RAB11FIP4: variants seen among roughly 807,000 people sequenced by gnomAD.
RAB11FIP4 encodes rab11 family-interacting protein 4.
RAB11FIP4 carries 23 observed loss-of-function variants against 74.3 expected under a neutral mutation model. The observed-to-expected ratio is 0.31, with a 90% CI of 0.22 to 0.44. RAB11FIP4 has a LOEUF of 0.44. Among genes scored for constraint, RAB11FIP4 ranks in the 20% least tolerant of loss-of-function variants. RAB11FIP4 has a pLI of 1.00. For synonymous variants in RAB11FIP4, 360 were observed against 359.9 expected (o/e 1.00, Z 0.00); for missense variants, 630 against 863.9 (o/e 0.73, Z 3.39).
At chr17:31,478,379 C>T (rs1396847551) in intron 3 of RAB11FIP4, among the ~76,000 whole-genome samples, 1 of 152,168 alleles carries the variant, frequency 6.6e-6, no homozygotes, top group Non-Finnish European at 1.5e-5. Flanking sequence ...GTGTGCTCTT[C>T]TCAGAACACT....
intron 1 of RAB11FIP4, among the ~76,000 whole-genome samples, chr17:31,395,334 C>T (rs1329352394): frequency 1.3e-5 from 2 of 152,068 alleles, no homozygotes; most frequent in Non-Finnish European, 2.9e-5. Context: ...TGAAGCATAA[C>T]GTCCCACCGT....
chr17:31,531,063 ACT>A (rs1216893649), intron 14 of RAB11FIP4: 2 of 157,646 alleles, frequency 1.3e-5, no homozygotes, highest in Admixed American at 6.0e-5. Flanking sequence ...ATTACAAGAC[ACT>A]CTGTCACTGA....
chr17:31,487,461 T>TC (rs1183654835), intron 3 of RAB11FIP4, among the ~76,000 whole-genome samples: 1 of 93,708 alleles, frequency 1.1e-5, no homozygotes, highest in African/African-American at 3.6e-5. Flanking sequence ...GGTCCTCTCC[T>TC]TTTTTTTTTT....
At chr17:31,485,088 T>C (rs1278807799) in intron 3 of RAB11FIP4, among the ~76,000 whole-genome samples, 1 of 152,162 alleles carries the variant, frequency 6.6e-6, no homozygotes, top group Non-Finnish European at 1.5e-5. Context: ...ATCTTAGGCA[T>C]TGCACTAGAC....
At chr17:31,522,186 CT>C in intron 6 of RAB11FIP4, 137 bp downstream of exon 6, 1 of 1,321,986 alleles carries the variant, frequency 7.6e-7, no homozygotes. Context: ...GATCCAGGGG[CT>C]TTTTCTGCCA....
chr17:31,492,414 T>C (rs1213992158), intron 3 of RAB11FIP4, among the ~76,000 whole-genome samples: 1 of 152,046 alleles, frequency 6.6e-6, no homozygotes, highest in East Asian at 1.9e-4. Flanking sequence ...TGCTATGGGG[T>C]GGCTGAAGGT....
rs1349002223 is a variant in RAB11FIP4, at chr17:31,534,860, G to A, written c.*3128G>A. The A allele has an allele frequency of 1.3e-5, 2 of 154,324 alleles. No individual in the cohort carries two copies. Among genetic ancestry groups the A allele is most frequent in the African/African-American group, 2.4e-5 (1 of 41,486 alleles). 9.6% of individuals were successfully genotyped at this position (154,324 alleles called of 1,614,324 possible). On this transcript the variant is annotated 3_prime_UTR_variant, in exon 15 of 15. Coordinates refer to ENST00000621161, the MANE Select transcript of RAB11FIP4 (RefSeq NM_032932.6). ...CTCAGATTTTACATGGCCCTGAGCT[G>A]CCCTTGCGTTCAGTTGGAAGCCACG... is the stretch of plus-strand genomic sequence containing the variant.
chr17:31,471,720 G>A (rs952336456), intron 3 of RAB11FIP4, among the ~76,000 whole-genome samples: 2 of 152,196 alleles, frequency 1.3e-5, no homozygotes, highest in African/African-American at 4.8e-5. Context: ...CGGTGCTAAT[G>A]TGAGGATGAA....
At chr17:31,460,969 G>T (rs530452625) in intron 3 of RAB11FIP4, among the ~76,000 whole-genome samples, 132 of 152,008 alleles carry the variant, frequency 8.7e-4, no homozygotes, top group African/African-American at 2.9e-3. Context: ...GTAAATGCTG[G>T]CTGGGTCATG....
chr17:31,521,309 A>G lies in RAB11FIP4; in HGVS notation c.707A>G (p.Asp236Gly), dbSNP rs745348855. The change falls in exon 5 of 15, where the codon GAT (aspartate) becomes GGT (glycine). Residue 236 changes from aspartate to glycine, a missense_variant. Physicochemically the swap from Asp to Gly is moderately conservative, Grantham distance 94 (BLOSUM62 -1). Transcript: ENST00000621161. ...DCAPSSPCPD[D>G]ETRTNVYSDL... ...GCCCCCAGCAGCCCTTGCCCCGATGATGAGACCAGGACCAACGTCTACTCG... is the reference window on the plus strand; with the variant it reads ...GCCCCCAGCAGCCCTTGCCCCGATGGTGAGACCAGGACCAACGTCTACTCG... 4 of 1,613,802 alleles carry G rather than the reference A, an allele frequency of 2.5e-6. No individual in the cohort carries two copies. The highest frequency in any genetic ancestry group is 1.6e-4 in the Middle Eastern group (1 of 6,080).
chr17:31,531,370 A>G (rs2072868934), intron 14 of RAB11FIP4, among the ~76,000 whole-genome samples: 1 of 152,148 alleles, frequency 6.6e-6, no homozygotes, highest in Admixed American at 6.5e-5. Flanking sequence ...CCCCCTCTAC[A>G]AACTGATCAC....
chr17:31,478,471 A>G (rs1196078152), intron 3 of RAB11FIP4, among the ~76,000 whole-genome samples: 4 of 152,158 alleles, frequency 2.6e-5, no homozygotes, highest in African/African-American at 9.7e-5. Flanking sequence ...GTTAAAAGCT[A>G]GGGAGGCTTC....
At chr17:31,514,283 A>G (rs150425140) in intron 3 of RAB11FIP4, among the ~76,000 whole-genome samples, 234 of 152,324 alleles carry the variant, frequency 1.5e-3, no homozygotes, top group African/African-American at 5.4e-3. Flanking sequence ...GCCAGGTGTT[A>G]GTGGGGCAGT....
chr17:31,458,443 A>G (rs144660114), intron 3 of RAB11FIP4, among the ~76,000 whole-genome samples: 86 of 152,266 alleles, frequency 5.6e-4, no homozygotes, highest in African/African-American at 2.0e-3. Flanking sequence ...CTGCTTTTGG[A>G]GGCCTGAAGA....
At chr17:31,409,862 C>G (rs967580429) in intron 1 of RAB11FIP4, among the ~76,000 whole-genome samples, 1 of 152,170 alleles carries the variant, frequency 6.6e-6, no homozygotes, top group East Asian at 1.9e-4. Flanking sequence ...CTGAGCCCTG[C>G]CCCCAAAATC....
chr17:31,456,487 G>T (rs1174376259), intron 3 of RAB11FIP4, among the ~76,000 whole-genome samples: 1 of 152,218 alleles, frequency 6.6e-6, no homozygotes, highest in Non-Finnish European at 1.5e-5. Context: ...AATTACAGGC[G>T]TGGGCCACCC....
chr17:31,529,094 C>T (rs1013134188), intron 13 of RAB11FIP4, among the ~76,000 whole-genome samples: 34 of 133,624 alleles, frequency 2.5e-4, no homozygotes, highest in African/African-American at 8.1e-4. Flanking sequence ...CCCAAGGTTC[C>T]TTTTTTTTTT....
At chr17:31,410,609 C>T (rs1047937160) in intron 1 of RAB11FIP4, among the ~76,000 whole-genome samples, 17 of 151,488 alleles carry the variant, frequency 1.1e-4, no homozygotes, top group South Asian at 2.1e-4. Flanking sequence ...AGCACTGCAC[C>T]GAGGGGGCTG....
chr17:31,522,127 C>G, intron 6 of RAB11FIP4, 78 bp downstream of exon 6: 1 of 1,574,072 alleles, frequency 6.4e-7, no homozygotes, highest in Admixed American at 1.7e-5. Context: ...ACGGGCATGG[C>G]GAGGCGACCC....
Sources: gnomAD v4.1 joint callset for allele counts (sites outside exome capture counted in the v4.1 genomes callset) on GRCh38, gnomAD v4.1.1 for gene constraint, MANE v1.5 for transcripts, NCBI Gene and HGNC (gene_info 2026-07-23, HGNC 2026-07-21) for gene names.